The following ABCA4 variants were observed in gnomAD, a reference collection of about 807,000 sequenced individuals.
ABCA4 encodes the protein retinal-specific phospholipid-transporting ATPase ABCA4.
ABCA4 carries 196 observed loss-of-function variants against 263.7 expected under a neutral mutation model. The ratio of observed to expected loss-of-function variants is 0.74; its 90% CI spans 0.66 to 0.84. The LOEUF is 0.84. ABCA4 is among the 40% of genes least tolerant of loss of function. The pLI is 0.00. For missense variants in ABCA4, 2,792 were observed against 2,855.1 expected (o/e 0.98, Z 0.50); for synonymous variants, 1,133 against 1,094.2 (o/e 1.04, Z -0.70).
intron 4 of ABCA4, among the ~76,000 whole-genome samples, chr1:94,106,168 GC>G (rs757234120): frequency 3.9e-5 from 6 of 152,182 alleles, no homozygotes; most frequent in Non-Finnish European, 7.4e-5. Flanking sequence ...CCTTTCCTGA[GC>G]CCTTGTCCCC....
Position 94,055,247 on chromosome 1 carries a change from C to T in ABCA4, c.2451G>A (p.Leu817=). 1.2e-6 allele frequency: 2 copies of T among 1,614,214 alleles called. No individual in the cohort carries two copies. Among genetic ancestry groups the T allele is most frequent in the Non-Finnish European group, 1.7e-6 (2 of 1,180,036 alleles). The change falls in exon 16 of 50, where the codon CTG becomes CTA. Residue 817 remains leucine (L), a synonymous_variant. Coordinates refer to ENST00000370225, the MANE Select transcript of ABCA4 (RefSeq NM_000350.3). ...EYLVRFEEQG[L]GLQWSNIGNS... is the part of the protein sequence containing the mutation. ...TCCCGATGTTGCTCCACTGCAGCCCCAGGCCTTGCTCTTCAAAGCGAACCA... is the reference window on the plus strand; with the variant it reads ...TCCCGATGTTGCTCCACTGCAGCCCTAGGCCTTGCTCTTCAAAGCGAACCA...
rs371968492 is a variant in ABCA4, at chr1:94,027,361, G to A, written c.4539+2084C>T. Among the ~76,000 whole-genome samples the A allele has an allele frequency of 1.1e-3, 170 of 152,286 alleles. No individual in the cohort carries two copies. Among genetic ancestry groups the A allele is most frequent in the African/African-American group, 3.8e-3 (158 of 41,558 alleles). ...AGGTAGGCTTGGCCTCCCCTCCCTC[G>A]CCCTGGCCAAGAGCTCAGGGTACAG... On this transcript the variant is annotated intron_variant, in intron 30 of 49. Transcript: ENST00000370225.
chr1:94,081,778 T>C (rs1661708695), intron 7 of ABCA4, among the ~76,000 whole-genome samples: 4 of 152,228 alleles, frequency 2.6e-5, no homozygotes, highest in Admixed American at 2.6e-4. Context: ...GCTGGCCTCA[T>C]CCTTTGAGGG....
chr1:94,039,286 G>T (rs1005864347), intron 24 of ABCA4, among the ~76,000 whole-genome samples: 12 of 152,168 alleles, frequency 7.9e-5, no homozygotes, highest in Non-Finnish European at 1.5e-5. Context: ...AATATTGCCC[G>T]GTTCTCTTGC....
At chr1:94,025,446 G>A (rs1313686940) in intron 30 of ABCA4, 4 of 333,208 alleles carry the variant, frequency 1.2e-5, no homozygotes, top group South Asian at 6.0e-5. Context: ...ATGTAAACCC[G>A]AGCACCTCAG....
chr1:94,066,628 A>G (rs562005021), intron 11 of ABCA4, among the ~76,000 whole-genome samples: 1 of 152,360 alleles, frequency 6.6e-6, no homozygotes, highest in Non-Finnish European at 1.5e-5. Flanking sequence ...AGAGGAGCAA[A>G]GGGCCTTGCC....
chr1:94,110,526 CT>C (rs1393283778), intron 3 of ABCA4, among the ~76,000 whole-genome samples: 1 of 152,232 alleles, frequency 6.6e-6, no homozygotes, highest in African/African-American at 2.4e-5. Context: ...CCCAACAGGC[CT>C]TTGCTGGTGG....
At chr1:94,032,074 A>G in intron 26 of ABCA4, 31 bp from the exon 27 acceptor site, 1 of 1,603,306 alleles carries the variant, frequency 6.2e-7, no homozygotes, top group Non-Finnish European at 8.5e-7. Flanking sequence ...AATAATTTGG[A>G]AAATGCCTAT....
Position 93,993,176 on chromosome 1 carries a change from C to A in ABCA4, c.*61G>T, listed in dbSNP as rs766623453. On this transcript the variant is annotated 3_prime_UTR_variant, in exon 50 of 50. Transcript: ENST00000370225. ...ATTTGGATGACCATATGGGCACAGG[C>A]TCCTGCGCCTCCAGCTGCCCAGAGT... 1 of 1,611,968 alleles carries A rather than the reference C, an allele frequency of 6.2e-7. No individual in the cohort carries two copies. The highest frequency in any genetic ancestry group is 8.5e-7 in the Non-Finnish European group (1 of 1,178,484).
chr1:94,002,872 A>C (rs926210308), intron 44 of ABCA4, among the ~76,000 whole-genome samples: 1 of 147,658 alleles, frequency 6.8e-6, no homozygotes, highest in African/African-American at 2.7e-5. Flanking sequence ...CAGATCGTCT[A>C]TCCCTCCCAC....
At chr1:94,083,283 T>C in intron 7 of ABCA4, 69 bp downstream of exon 7, 1 of 1,287,696 alleles carries the variant, frequency 7.8e-7, no homozygotes, top group Non-Finnish European at 1.1e-6. Flanking sequence ...AATTAAATTA[T>C]TTGACATAAG....
At chr1:94,061,958 C>G (rs968228601) in intron 13 of ABCA4, among the ~76,000 whole-genome samples, 9 of 152,156 alleles carry the variant, frequency 5.9e-5, no homozygotes, top group Non-Finnish European at 1.3e-4. Context: ...ACCCTCCACC[C>G]CGGCCCTTTC....
intron 14 of ABCA4, 91 bp downstream of exon 14, chr1:94,060,446 G>T: frequency 1.7e-6 from 2 of 1,210,720 alleles, no homozygotes; most frequent in Non-Finnish European, 2.4e-6. Context: ...CTCCTTGGTG[G>T]CCACATGACT....
At chr1:94,002,431 G>T (rs1038392876) in intron 44 of ABCA4, among the ~76,000 whole-genome samples, 1 of 152,228 alleles carries the variant, frequency 6.6e-6, no homozygotes, top group South Asian at 2.1e-4. Flanking sequence ...CTGACCATAC[G>T]CCAGGCACTG....
intron 30 of ABCA4, among the ~76,000 whole-genome samples, chr1:94,026,142 G>C (rs1452853040): frequency 1.3e-5 from 2 of 152,218 alleles, no homozygotes; most frequent in Non-Finnish European, 2.9e-5. Context: ...CCCAGAAGTA[G>C]TTGAGGGGAT....
At chr1:94,001,377 A>C (rs909027605) in intron 45 of ABCA4, 5 of 564,150 alleles carry the variant, frequency 8.9e-6, no homozygotes, top group Non-Finnish European at 1.6e-5. Flanking sequence ...TCTCCTCAAA[A>C]AAAGAAAATC....
chr1:94,062,627 T>A lies in ABCA4; in HGVS notation c.1887A>T (p.Pro629=). ...GCATCTGCTGGAGGTAGATTCCAAC[T>A]GGAGCCTCCGCCTGCACCTGGCTCC... The part of the protein sequence containing the change: ...ITRSQVQAEA[P]VGIYLQQMPY... Residue 629 remains proline, a synonymous_variant, in exon 13 of 50, where the codon CCA becomes CCT. Transcript: ENST00000370225. 1 of 1,613,644 alleles carries A rather than the reference T, an allele frequency of 6.2e-7. No homozygotes were observed. Among genetic ancestry groups the A allele is most frequent in the East Asian group, 2.2e-5 (1 of 44,842 alleles).
rs76722949 is a variant in ABCA4, at chr1:94,032,874, C to T, written c.3863-831G>A. Among the ~76,000 whole-genome samples the T allele has an allele frequency of 2.6e-3, 393 of 152,254 alleles. 1 individual carries two copies. The highest frequency in any genetic ancestry group is 9.0e-3 in the African/African-American group (374 of 41,548). On this transcript the variant is annotated intron_variant, in intron 26 of 49. Transcript: ENST00000370225. Reference sequence around the variant, plus strand: ...TAGAAAGGGGAGAGGAAGTGGGAAGCGAGACTTTAGCCTTTTGTGTATTAT... The same window carrying T: ...TAGAAAGGGGAGAGGAAGTGGGAAGTGAGACTTTAGCCTTTTGTGTATTAT...
chr1:94,006,377 T>C (rs1269338321), intron 43 of ABCA4, among the ~76,000 whole-genome samples: 1 of 152,254 alleles, frequency 6.6e-6, no homozygotes, highest in African/African-American at 2.4e-5. Context: ...ATTCTGTGTC[T>C]TAAGCCTATA....
Sources: gnomAD v4.1 joint callset for allele counts (sites outside exome capture counted in the v4.1 genomes callset) on GRCh38, gnomAD v4.1.1 for gene constraint, MANE v1.5 for transcripts, NCBI Gene and HGNC (gene_info 2026-07-23, HGNC 2026-07-21) for gene names.